Variants in ATP13A5 observed in about 807,000 individuals in gnomAD.
ATP13A5 encodes probable cation-transporting ATPase 13A5.
Under a neutral mutation model 150.2 loss-of-function variants are expected in ATP13A5, and 149 were observed. That is an observed-to-expected ratio of 0.99 (90% CI 0.87 to 1.14). The LOEUF (loss-of-function observed/expected upper bound fraction) is 1.14, where lower values mean the gene tolerates loss of function less well. Ranked by LOEUF, ATP13A5 falls within the 50% of genes most tolerant of loss-of-function variation. The probability of loss-of-function intolerance (pLI) is 0.00; values close to 1 mark genes in which losing one functional copy is unlikely to be tolerated. For missense variants in ATP13A5, 1,383 were observed against 1,449.3 expected, an observed-to-expected ratio of 0.95 and a Z score of 0.74; for synonymous variants, 497 against 522.2, an observed-to-expected ratio of 0.95 and a Z score of 0.66.
chr3:193,333,270 C>A (rs1402841093), intron 11 of ATP13A5, among the ~76,000 whole-genome samples: 1 of 151,988 alleles, frequency 6.6e-6, no homozygotes, highest in Non-Finnish European at 1.5e-5. Flanking sequence ...GTTTTATTCA[C>A]AATTTTCTCT....
chr3:193,279,634 G>T lies in ATP13A5; in HGVS notation c.3227-180C>A, dbSNP rs186500624. 3.2e-3 allele frequency among the ~76,000 whole-genome samples: 489 copies of T among 152,208 alleles called. 3 individuals are homozygous for T. The highest frequency in any genetic ancestry group is 0.011 in the African/African-American group (471 of 41,530). On this transcript the variant is annotated intron_variant, in intron 27 of 29. Transcript: ENST00000342358. ...CTTATAAGATGAAGGTAATATCTTAGAATCTTTCCTTGAAAGTCTGGATGT... is the reference window on the plus strand; with the variant it reads ...CTTATAAGATGAAGGTAATATCTTATAATCTTTCCTTGAAAGTCTGGATGT...
rs745433844 is a variant in ATP13A5, at chr3:193,333,730, G to T, written c.1272+20C>A. 3 of 1,608,940 alleles carry T rather than the reference G, an allele frequency of 1.9e-6. No individual in the cohort carries two copies. The highest frequency in any genetic ancestry group is 1.7e-6 in the Non-Finnish European group (2 of 1,177,276). On this transcript the variant is annotated intron_variant, in intron 11 of 29. Coordinates refer to ENST00000342358, the MANE Select transcript of ATP13A5 (RefSeq NM_198505.4). ...TTTGCAGAATCTATACTATTGAAAA[G>T]CCTTACCCCCAGTACTTACTCCATG...
intron 14 of ATP13A5, chr3:193,323,096 A>G (rs1577349649): frequency 6.5e-6 from 1 of 152,892 alleles, no homozygotes; most frequent in Non-Finnish European, 1.5e-5. Context: ...AGAAGTTAAT[A>G]CCTCTGAGAA....
intron 1 of ATP13A5, among the ~76,000 whole-genome samples, chr3:193,368,005 GGGGAGGGGAA>G (rs1333608826): frequency 4.6e-5 from 7 of 150,890 alleles, no homozygotes; most frequent in Non-Finnish European, 8.9e-5. Flanking sequence ...GGGGAGGGGA[GGGGAGGGGAA>G]GGGAGGGGAA....
At chr3:193,331,400 C>T in intron 11 of ATP13A5, 89 bp from the exon 12 acceptor site, 1 of 1,261,016 alleles carries the variant, frequency 7.9e-7, no homozygotes, top group Non-Finnish European at 1.1e-6. Context: ...CACATTGTCT[C>T]CTACTGCAGA....
intron 19 of ATP13A5, chr3:193,313,454 C>A (rs184008547): frequency 6.6e-6 from 1 of 152,040 alleles, no homozygotes; most frequent in Non-Finnish European, 1.5e-5. Flanking sequence ...AGCCCATTGT[C>A]TTATGAAAAA....
At chr3:193,333,062 T>G (rs1220450171) in intron 11 of ATP13A5, among the ~76,000 whole-genome samples, 2 of 152,068 alleles carry the variant, frequency 1.3e-5, no homozygotes, top group Non-Finnish European at 2.9e-5. Context: ...GCAGTTAAGT[T>G]TTGGCGTGAA....
At position 193,318,301 on chromosome 3, in the gene ATP13A5, GAAAT is replaced by G. The variant is rs1386590833; in HGVS notation, c.2033+686_2033+689del. Among the ~76,000 whole-genome samples the G allele has an allele frequency of 3.9e-5, 6 of 152,236 alleles. No homozygotes were observed. The South Asian group carries it at 8.3e-4, about 21-fold the overall frequency. On this transcript the variant is annotated intron_variant, in intron 17 of 29. Coordinates refer to ENST00000342358, the MANE Select transcript of ATP13A5 (RefSeq NM_198505.4). ...TATCAGCAACACAAATCCAATGTAA[GAAAT>G]AAATAGATTTTCTGCTATTCAGTTT...
intron 25 of ATP13A5, among the ~76,000 whole-genome samples, chr3:193,298,009 A>G (rs1444999582): frequency 6.6e-6 from 1 of 152,098 alleles, no homozygotes; most frequent in Non-Finnish European, 1.5e-5. Flanking sequence ...TTCATGTTGT[A>G]ATGAGTGCTC....
Position 193,275,257 on chromosome 3 carries a change from C to G in ATP13A5, c.3442G>C (p.Glu1148Gln), listed in dbSNP as rs1461567097. 6.2e-7 allele frequency: 1 copy of G among 1,613,928 alleles called. No homozygotes were observed. The highest frequency in any genetic ancestry group is 1.7e-5 in the Admixed American group (1 of 60,000). Residue 1148 changes from glutamate to glutamine, a missense_variant, in exon 30 of 30, where the codon GAA (glutamate) becomes CAA (glutamine). This residue lies in a region of ATP13A5 where 568 missense variants were observed against 621.5 expected (regional missense o/e 0.91). Coordinates refer to ENST00000342358, the MANE Select transcript of ATP13A5 (RefSeq NM_198505.4). The part of the protein sequence containing the change: ...NHELWLLIKR[E>Q]FGFYSKSQYR... ...TGACTTTTAGAGTAGAATCCAAATT[C>G]TCTTTTGATCAACAGCCAGAGTTCA...
intron 5 of ATP13A5, among the ~76,000 whole-genome samples, chr3:193,357,988 A>G (rs528014471): frequency 6.6e-6 from 1 of 152,298 alleles, no homozygotes; most frequent in South Asian, 2.1e-4. Context: ...CATTCAATTA[A>G]CTTACCAATA....
In ATP13A5 at chr3:193,291,456, C is replaced by T. The variant is rs138706409; in HGVS notation, c.2849-1397G>A. ...GTGATAGGAGTATTTTTCTTATGCACGGTGGGCTTTGAGAGTTTATGCTAA... is the reference window on the plus strand; with the variant it reads ...GTGATAGGAGTATTTTTCTTATGCATGGTGGGCTTTGAGAGTTTATGCTAA... On this transcript the variant is annotated intron_variant, in intron 25 of 29. Coordinates refer to ENST00000342358, the MANE Select transcript of ATP13A5 (RefSeq NM_198505.4). Among the ~76,000 whole-genome samples, 906 of 152,092 alleles carry T rather than the reference C, an allele frequency of 6.0e-3. 3 individuals are homozygous for T. Among genetic ancestry groups the T allele is most frequent in the Non-Finnish European group, 9.0e-3 (615 of 67,966 alleles).
rs116078575 is a variant in ATP13A5 at position 193,363,779 on chromosome 3, C to T, written c.237+328G>A. On this transcript the variant is annotated intron_variant, in intron 2 of 29. Transcript: ENST00000342358. The stretch of plus-strand genomic sequence containing the variant: ...ACATATTTTTGAAAAACTGAATGAC[C>T]ATTCCCATGTTATGGTCTCTAAACG... Among the ~76,000 whole-genome samples the T allele has an allele frequency of 5.5e-3, 834 of 152,176 alleles. 8 individuals carry two copies. The highest frequency in any genetic ancestry group is 0.019 in the African/African-American group (806 of 41,502).
chr3:193,315,036 T>C lies in ATP13A5; in HGVS notation c.2094A>G (p.Lys698=), dbSNP rs776387498. 1.9e-6 allele frequency: 3 copies of C among 1,613,784 alleles called. No homozygotes were observed. In the African/African-American group the frequency reaches 4.0e-5, roughly 22 times the overall value. Residue 698 remains lysine (K), a synonymous_variant, in exon 18 of 30, where the codon AAA becomes AAG. Coordinates refer to ENST00000342358, the MANE Select transcript of ATP13A5 (RefSeq NM_198505.4). The part of the protein sequence containing the change: ...LGLLIMENRL[K]KETKLVLKEL... Reference sequence around the variant, plus strand: ...CCTTCAAGACCAGTTTGGTTTCTTTTTTCAAGCGATTCTCCATGATGAGAA... The same window carrying C: ...CCTTCAAGACCAGTTTGGTTTCTTTCTTCAAGCGATTCTCCATGATGAGAA...
intron 7 of ATP13A5, among the ~76,000 whole-genome samples, chr3:193,350,124 G>A (rs1332912689): frequency 1.3e-5 from 2 of 151,772 alleles, no homozygotes; most frequent in Non-Finnish European, 2.9e-5. Context: ...TATATAAAGT[G>A]AAAAATGAAA....
intron 5 of ATP13A5, among the ~76,000 whole-genome samples, chr3:193,356,662 T>G (rs1712802951): frequency 6.6e-6 from 1 of 152,188 alleles, no homozygotes; most frequent in Non-Finnish European, 1.5e-5. Context: ...TTTGAAGTCT[T>G]ACTCCCTCTG....
chr3:193,351,338 TCTC>T, intron 6 of ATP13A5, 137 bp from the exon 7 acceptor site: 1 of 1,041,496 alleles, frequency 9.6e-7, no homozygotes, highest in Non-Finnish European at 1.4e-6. Flanking sequence ...TTCACTTAGA[TCTC>T]TATTGATTTG....
At position 193,354,170 on chromosome 3, in the gene ATP13A5, A is replaced by G; in HGVS notation, c.563T>C (p.Ile188Thr). The G allele has an allele frequency of 1.2e-6, 2 of 1,612,642 alleles. No individual in the cohort carries two copies. Among genetic ancestry groups the G allele is most frequent in the African/African-American group, 1.3e-5 (1 of 74,974 alleles). The change falls in exon 6 of 30, where the codon ATT becomes ACT. Residue 188 changes from isoleucine to threonine, a missense_variant. Coordinates refer to ENST00000342358, the MANE Select transcript of ATP13A5 (RefSeq NM_198505.4). ...CCATATGGGTTGGATTTCAACCTCA[A>G]TGGCGTTGGGCCCACACACTAATCT... is the stretch of plus-strand genomic sequence containing the variant. The part of the protein sequence containing the change: ...VRRLVCGPNA[I>T]EVEIQPIWKL...
At chr3:193,276,250 C>T (rs977804296) in intron 29 of ATP13A5, among the ~76,000 whole-genome samples, 2 of 152,124 alleles carry the variant, frequency 1.3e-5, no homozygotes, top group Non-Finnish European at 2.9e-5. Context: ...AATACTTGAG[C>T]CTCTTACTAA....
Sources: allele counts gnomAD v4.1 joint callset (sites outside exome capture counted in the v4.1 genomes callset), GRCh38; gene constraint gnomAD v4.1.1; regional missense constraint gnomAD v4.1.1; transcripts MANE v1.5; gene names NCBI Gene and HGNC (gene_info 2026-07-23, HGNC 2026-07-21).